Variants in UBP1 observed in about 807,000 individuals in gnomAD.
The protein encoded by UBP1 is upstream binding protein 1, also known as upstream-binding protein 1.
Under a neutral mutation model 76.1 loss-of-function variants are expected in UBP1, and 22 were observed. The ratio of observed to expected loss-of-function variants is 0.29; its 90% CI spans 0.21 to 0.41. UBP1 has a LOEUF of 0.41. Among genes scored for constraint, UBP1 ranks in the 10% least tolerant of loss-of-function variants. The pLI is 1.00. For synonymous variants in UBP1, 224 were observed against 237.1 expected, an observed-to-expected ratio of 0.94 and a Z score of 0.51; for missense variants, 436 against 668.1, an observed-to-expected ratio of 0.65 and a Z score of 3.83.
At chr3:33,419,552 T>TGTGAGGCGGAGGTTGCG (rs1332578427) in intron 2 of UBP1, among the ~76,000 whole-genome samples, 4 of 149,862 alleles carry the variant, frequency 2.7e-5, no homozygotes, top group Non-Finnish European at 5.9e-5. Context: ...CACTTGAACC[T>TGTGAGGCGGAGGTTGCG]GTGAGGCGGA....
intron 1 of UBP1, among the ~76,000 whole-genome samples, chr3:33,438,842 C>T (rs975983966): frequency 6.6e-6 from 1 of 152,166 alleles, no homozygotes; most frequent in Non-Finnish European, 1.5e-5. Flanking sequence ...AACTGTAGAG[C>T]ACTTCCAAAA....
At chr3:33,439,641 C>T in intron 1 of UBP1, 95 bp downstream of exon 1, 1 of 1,373,976 alleles carries the variant, frequency 7.3e-7, no homozygotes, top group Non-Finnish European at 9.9e-7. Flanking sequence ...GAGGCCCGCG[C>T]ACCTCTGGGA....
rs933971940 is a variant in UBP1 at position 33,392,552 on chromosome 3, A to G, written c.1585+11T>C. Reference sequence around the variant, plus strand: ...TTCCAGCATTTTAAGACACACACACATGCAAAGTACCTTTTACTGTGGAGA... The same window carrying G: ...TTCCAGCATTTTAAGACACACACACGTGCAAAGTACCTTTTACTGTGGAGA... On this transcript the variant is annotated intron_variant, in intron 15 of 15. Coordinates refer to ENST00000283629, the MANE Select transcript of UBP1 (RefSeq NM_014517.5). 1 of 1,608,718 alleles carries G rather than the reference A, an allele frequency of 6.2e-7. No individual in the cohort carries two copies. The highest frequency in any genetic ancestry group is 8.5e-7 in the Non-Finnish European group (1 of 1,177,992).
intron 1 of UBP1, among the ~76,000 whole-genome samples, chr3:33,430,753 A>T (rs948419594): frequency 6.6e-6 from 1 of 152,210 alleles, no homozygotes; most frequent in Non-Finnish European, 1.5e-5. Context: ...CACGGAATGC[A>T]GCTGCGGAAA....
At chr3:33,417,318 G>T (rs901348720) in intron 2 of UBP1, among the ~76,000 whole-genome samples, 16 of 144,288 alleles carry the variant, frequency 1.1e-4, no homozygotes, top group Admixed American at 9.9e-4. Context: ...AACTGCTAGC[G>T]ATCACCAATC....
chr3:33,393,338 C>T lies in UBP1; in HGVS notation c.1507G>A (p.Gly503Ser), dbSNP rs779486959. The T allele has an allele frequency of 6.2e-7, 1 of 1,607,108 alleles. No individual in the cohort carries two copies. The highest frequency in any genetic ancestry group is 8.5e-7 in the Non-Finnish European group (1 of 1,177,320). The change falls in exon 14 of 16, where the codon GGT (glycine) becomes AGT (serine). Residue 503 changes from glycine to serine, a missense_variant. Around this residue, in one of 3 missense-constraint regions of UBP1, gnomAD observed 210 missense variants for 272.8 expected, o/e 0.77. Coordinates refer to ENST00000283629, the MANE Select transcript of UBP1 (RefSeq NM_014517.5). ...TGATCACTAACAAGAATGTGAATAC[C>T]GGTGGGACCCTGTCTGTAAACCTGA... The part of the protein sequence containing the change: ...INQVYRQGPT[G>S]IHILVSDQMV...
intron 1 of UBP1, among the ~76,000 whole-genome samples, chr3:33,431,042 T>A (rs1559692945): frequency 6.6e-6 from 1 of 152,126 alleles, no homozygotes; most frequent in Non-Finnish European, 1.5e-5. Flanking sequence ...CAGGAAACTT[T>A]AAAGGACAGC....
At chr3:33,425,831 G>A in intron 1 of UBP1, 90 bp from the exon 2 acceptor site, 6 of 1,208,056 alleles carry the variant, frequency 5.0e-6, no homozygotes, top group Non-Finnish European at 5.6e-6. Context: ...AATCTTGTCT[G>A]AAATATTTAA....
At chr3:33,415,499 T>C (rs566945453) in intron 3 of UBP1, among the ~76,000 whole-genome samples, 9 of 152,226 alleles carry the variant, frequency 5.9e-5, no homozygotes, top group African/African-American at 1.4e-4. Context: ...TGAGAACTTA[T>C]GAGAACTCAT....
At chr3:33,400,716 G>A (rs1175299212) in intron 10 of UBP1, among the ~76,000 whole-genome samples, 1 of 152,082 alleles carries the variant, frequency 6.6e-6, no homozygotes, top group Admixed American at 6.5e-5. Flanking sequence ...GGATTAAAGG[G>A]TGCAAACAAA....
intron 2 of UBP1, among the ~76,000 whole-genome samples, chr3:33,422,843 T>A (rs530787303): frequency 6.6e-6 from 1 of 152,134 alleles, no homozygotes; most frequent in East Asian, 1.9e-4. Flanking sequence ...TATAGAAAAT[T>A]AAAAACTTGT....
intron 1 of UBP1, among the ~76,000 whole-genome samples, chr3:33,439,164 G>C (rs988109884): frequency 2.6e-5 from 4 of 152,224 alleles, no homozygotes; most frequent in Admixed American, 6.5e-5. Flanking sequence ...AACAGCCTGA[G>C]AGGGTAGTCT....
chr3:33,413,546 C>CAAAAAA, intron 3 of UBP1, among the ~76,000 whole-genome samples: 1 of 55,402 alleles, frequency 1.8e-5, no homozygotes, highest in Non-Finnish European at 3.8e-5. Context: ...GACTCCATCA[C>CAAAAAA]AAAAAAAAAA....
intron 2 of UBP1, among the ~76,000 whole-genome samples, chr3:33,417,358 T>C (rs1266178841): frequency 1.3e-5 from 2 of 149,238 alleles, no homozygotes; most frequent in Non-Finnish European, 3.0e-5. Context: ...TTGCCCACTC[T>C]GGATACTTTC....
chr3:33,412,840 T>C lies in UBP1; in HGVS notation c.343-13A>G. ...CCCTTATGATGCTCTGTGGAATAAG[T>C]GCGGAAAATGAGTACTTTTAAACTG... is the stretch of plus-strand genomic sequence containing the variant. On this transcript the variant is annotated splice_polypyrimidine_tract_variant and intron_variant, in intron 3 of 15. Coordinates refer to ENST00000283629, the MANE Select transcript of UBP1 (RefSeq NM_014517.5). 3 of 1,577,442 alleles carry C rather than the reference T, an allele frequency of 1.9e-6. No individual in the cohort carries two copies. The highest frequency in any genetic ancestry group is 2.6e-6 in the Non-Finnish European group (3 of 1,146,518).
At chr3:33,411,059 T>C in intron 5 of UBP1, among the ~76,000 whole-genome samples, 1 of 131,768 alleles carries the variant, frequency 7.6e-6, no homozygotes, top group East Asian at 2.1e-4. Context: ...GGTGACAGAA[T>C]GAAACTCCAT....
chr3:33,436,000 G>A (rs1189476373), intron 1 of UBP1, among the ~76,000 whole-genome samples: 1 of 152,122 alleles, frequency 6.6e-6, no homozygotes, highest in Non-Finnish European at 1.5e-5. Flanking sequence ...TTTAGCATGA[G>A]ACCAAAAGAA....
At chr3:33,397,680 C>T (rs1295342013) in intron 11 of UBP1, 1 of 152,092 alleles carries the variant, frequency 6.6e-6, no homozygotes, top group Admixed American at 6.5e-5. Context: ...ACAACTCTGT[C>T]ACAGCAGCTA....
At chr3:33,436,200 T>C (rs571753574) in intron 1 of UBP1, among the ~76,000 whole-genome samples, 1 of 152,242 alleles carries the variant, frequency 6.6e-6, no homozygotes, top group Admixed American at 6.5e-5. Context: ...ATATATACAC[T>C]GTCCAATGTT....
Sources: allele counts gnomAD v4.1 joint callset (sites outside exome capture counted in the v4.1 genomes callset), GRCh38; gene constraint gnomAD v4.1.1; regional missense constraint gnomAD v4.1.1; transcripts MANE v1.5; gene names NCBI Gene and HGNC (gene_info 2026-07-23, HGNC 2026-07-21).